USP34: variants seen among roughly 807,000 people sequenced by gnomAD.
USP34 encodes ubiquitin carboxyl-terminal hydrolase 34.
Under a neutral mutation model 460.3 loss-of-function variants are expected in USP34, and 70 were observed. The observed-to-expected ratio is 0.15, with a 90% CI of 0.13 to 0.19. The LOEUF (loss-of-function observed/expected upper bound fraction) is 0.19. Among genes scored for constraint, USP34 ranks in the 10% least tolerant of loss-of-function variants. The probability of loss-of-function intolerance (pLI) is 1.00; values close to 1 mark genes in which losing one functional copy is unlikely to be tolerated. For missense variants in USP34, 3,985 were observed against 4,236.2 expected (o/e 0.94, Z 1.65); for synonymous variants, 1,647 against 1,405.3 (o/e 1.17, Z -3.85).
intron 29 of USP34, among the ~76,000 whole-genome samples, 167 bp from the exon 30 acceptor site, chr2:61,297,092 T>G (rs1224032760): frequency 6.6e-6 from 1 of 152,190 alleles, no homozygotes; most frequent in Non-Finnish European, 1.5e-5. Flanking sequence ...TTGAGAAAAT[T>G]AATAGCCAAG....
In USP34 at chr2:61,331,131, C is replaced by A. The variant is rs77774098; in HGVS notation, c.2930+145G>T. The A allele has an allele frequency of 2.8e-3, 1,978 of 697,066 alleles. 29 individuals are homozygous for A. In the African/African-American group the frequency reaches 0.033, roughly 12 times the overall value. The allele number at this position is 697,066 out of a possible 1,614,324, so 43.2% of individuals were successfully genotyped here. On this transcript the variant is annotated intron_variant, in intron 20 of 79. Transcript: ENST00000398571. ...TAAGAATCTTTCAGCTTAAAAAGTT[C>A]TAGCAGCCTTTTCATAATTTTATAC...
rs1232197298 is a variant in USP34 at position 61,283,220 on chromosome 2, A to G, written c.4923T>C (p.Ser1641=). The change falls in exon 37 of 80, where the codon TCT becomes TCC. Residue 1641 remains serine, a synonymous_variant. Transcript: ENST00000398571. ...TATCAGCAAGGCTAGATTTCACTAAAGAACAGCAATGAGCCCAACTCACCA... is the reference window on the plus strand; with the variant it reads ...TATCAGCAAGGCTAGATTTCACTAAGGAACAGCAATGAGCCCAACTCACCA... ...WLLVSWAHCC[S]LVKSSLADSD... The G allele has an allele frequency of 6.2e-7, 1 of 1,613,786 alleles. No homozygotes were observed. The highest frequency in any genetic ancestry group is 2.2e-5 in the East Asian group (1 of 44,800).
At chr2:61,283,364 A>T in intron 36 of USP34, 45 bp downstream of exon 36, 1 of 1,577,286 alleles carries the variant, frequency 6.3e-7, no homozygotes, top group Non-Finnish European at 8.6e-7. Context: ...TCAATATATT[A>T]TTCAAGTTTT....
intron 8 of USP34, among the ~76,000 whole-genome samples, chr2:61,375,446 G>T (rs1310038504): frequency 1.3e-5 from 2 of 152,106 alleles, no homozygotes; most frequent in East Asian, 3.8e-4. Context: ...TTACATAAAT[G>T]TTTATAATGG....
At chr2:61,196,338 C>T (rs1233654958) in intron 75 of USP34, among the ~76,000 whole-genome samples, 1 of 151,482 alleles carries the variant, frequency 6.6e-6, no homozygotes, top group Non-Finnish European at 1.5e-5. Flanking sequence ...GATCCACCCA[C>T]CTTGACCTCC....
At chr2:61,266,722 C>T (rs758618631) in intron 41 of USP34, among the ~76,000 whole-genome samples, 2 of 152,118 alleles carry the variant, frequency 1.3e-5, no homozygotes, top group Non-Finnish European at 2.9e-5. Flanking sequence ...CCAAATAGTA[C>T]TATGGTACAT....
chr2:61,380,388 C>A (rs369933705), intron 6 of USP34, 27 bp from the exon 7 acceptor site: 1 of 1,577,830 alleles, frequency 6.3e-7, no homozygotes. Flanking sequence ...ATAGAAAATA[C>A]ACAAAAATTC....
intron 62 of USP34, chr2:61,223,501 T>G: frequency 1.8e-6 from 1 of 555,190 alleles, no homozygotes; most frequent in Non-Finnish European, 3.1e-6. Flanking sequence ...AAAGCCCAAA[T>G]GTACTTCATT....
chr2:61,412,205 A>G (rs1239103286), intron 2 of USP34, among the ~76,000 whole-genome samples: 2 of 150,818 alleles, frequency 1.3e-5, no homozygotes, highest in Non-Finnish European at 3.0e-5. Flanking sequence ...AAAAAAAAAA[A>G]AAGAAAAGGA....
chr2:61,435,905 G>GT (rs1256883470), intron 1 of USP34, among the ~76,000 whole-genome samples: 1 of 152,040 alleles, frequency 6.6e-6, no homozygotes, highest in African/African-American at 2.4e-5. Flanking sequence ...GAGTGCGCCT[G>GT]TAATCCCAGC....
chr2:61,395,658 C>T (rs1196629603), intron 3 of USP34, among the ~76,000 whole-genome samples: 7 of 148,688 alleles, frequency 4.7e-5, no homozygotes, highest in African/African-American at 1.5e-4. Context: ...CAGTGGCGGG[C>T]GCCTGTAGTC....
At chr2:61,245,330 G>C in intron 50 of USP34, 42 bp from the exon 51 acceptor site, 2 of 1,152,630 alleles carry the variant, frequency 1.7e-6, no homozygotes, top group Non-Finnish European at 2.4e-6. Context: ...TGCATATAAT[G>C]AGTATCTTCA....
At chr2:61,192,851 C>T in intron 76 of USP34, 50 bp downstream of exon 76, 1 of 1,492,730 alleles carries the variant, frequency 6.7e-7, no homozygotes. Context: ...TTATTGACCA[C>T]TTGGTCAGAT....
chr2:61,192,546 G>C (rs1473935977), intron 76 of USP34, among the ~76,000 whole-genome samples: 1 of 152,048 alleles, frequency 6.6e-6, no homozygotes, highest in East Asian at 1.9e-4. Context: ...TGGAAAAGAG[G>C]TAGAGACAGG....
Position 61,396,039 on chromosome 2 carries a change from A to G in USP34, c.553-806T>C, listed in dbSNP as rs1424128151. Among the ~76,000 whole-genome samples, 3 of 151,626 alleles carry G rather than the reference A, an allele frequency of 2.0e-5. No homozygotes were observed. The East Asian group carries it at 5.8e-4, about 29-fold the overall frequency. On this transcript the variant is annotated intron_variant, in intron 3 of 79. Transcript: ENST00000398571. ...GCCATTACACTCCATCCTGGGTGAC[A>G]GAGCAAAACTGTCTCAAAAAAAAAA... is the stretch of plus-strand genomic sequence containing the variant.
Position 61,278,401 on chromosome 2 carries a change from C to A in USP34, c.5299G>T (p.Asp1767Tyr), listed in dbSNP as rs778490405. ...ATCAAATTTTACCTTCGAATACAGTCAGCCAAATGTCTTGCCAAGGCATCT... is the reference window on the plus strand; with the variant it reads ...ATCAAATTTTACCTTCGAATACAGTAAGCCAAATGTCTTGCCAAGGCATCT... ...DLDALARHLA[D>Y]CIRSREILDH... Residue 1767 changes from aspartate (D) to tyrosine (Y), a missense_variant, in exon 40 of 80, where the codon GAC becomes TAC. By Grantham distance (160) the Asp-to-Tyr change is radical (BLOSUM62 -3). Around this residue, in one of 14 missense-constraint regions of USP34, gnomAD observed 1,114 missense variants for 1,122.5 expected, o/e 0.99. Coordinates refer to ENST00000398571, the MANE Select transcript of USP34 (RefSeq NM_014709.4). The A allele has an allele frequency of 1.9e-6, 3 of 1,606,002 alleles. No individual in the cohort carries two copies. Among genetic ancestry groups the A allele is most frequent in the Non-Finnish European group, 2.5e-6 (3 of 1,177,356 alleles).
intron 1 of USP34, among the ~76,000 whole-genome samples, chr2:61,447,891 T>C (rs1054240382): frequency 1.3e-5 from 2 of 152,156 alleles, no homozygotes; most frequent in African/African-American, 4.8e-5. Flanking sequence ...AATTTTTGTA[T>C]TTTTAGTAGA....
intron 1 of USP34, among the ~76,000 whole-genome samples, chr2:61,445,369 A>C (rs547047806): frequency 6.6e-6 from 1 of 151,550 alleles, no homozygotes; most frequent in Non-Finnish European, 1.5e-5. Context: ...CCCCATCTCT[A>C]CGAAAAATAC....
At chr2:61,271,649 T>G (rs1335680839) in intron 41 of USP34, among the ~76,000 whole-genome samples, 1 of 151,768 alleles carries the variant, frequency 6.6e-6, no homozygotes, top group Non-Finnish European at 1.5e-5. Flanking sequence ...GAATGAAGAT[T>G]AGCACTACTG....
Sources: allele counts gnomAD v4.1 joint callset (sites outside exome capture counted in the v4.1 genomes callset), GRCh38; gene constraint gnomAD v4.1.1; regional missense constraint gnomAD v4.1.1; transcripts MANE v1.5; gene names NCBI Gene and HGNC (gene_info 2026-07-23, HGNC 2026-07-21).